The following ACBD6 variants were observed in gnomAD, a reference collection of about 807,000 sequenced individuals.
The protein encoded by ACBD6 is acyl-CoA-binding domain-containing protein 6.
Under a neutral mutation model 37.2 loss-of-function variants are expected in ACBD6, and 28 were observed. The ratio of observed to expected loss-of-function variants is 0.75; its 90% CI spans 0.56 to 1.03. ACBD6 has a LOEUF of 1.03. Ranked by LOEUF, ACBD6 falls within the 50% of genes least tolerant of loss-of-function variation. The pLI, the probability that ACBD6 is intolerant of heterozygous loss-of-function variation, is 0.00. For missense variants in ACBD6, 340 were observed against 337.4 expected, an observed-to-expected ratio of 1.01 and a Z score of -0.06; for synonymous variants, 113 against 126.8, an observed-to-expected ratio of 0.89 and a Z score of 0.73.
intron 6 of ACBD6, among the ~76,000 whole-genome samples, chr1:180,340,914 T>C (rs1397155517): frequency 1.3e-5 from 2 of 152,126 alleles, no homozygotes; most frequent in Non-Finnish European, 2.9e-5. Context: ...AGGATCGAGA[T>C]ATCTAAATTT....
chr1:180,359,591 A>G (rs1652769872), intron 6 of ACBD6, among the ~76,000 whole-genome samples: 1 of 152,208 alleles, frequency 6.6e-6, no homozygotes, highest in East Asian at 1.9e-4. Context: ...ATGAATTACT[A>G]CCAAGCATTT....
chr1:180,431,407 G>A (rs903664652), intron 3 of ACBD6, among the ~76,000 whole-genome samples: 2 of 152,104 alleles, frequency 1.3e-5, no homozygotes, highest in African/African-American at 4.8e-5. Context: ...GTATTAGTAT[G>A]ATGCTAGCAA....
intron 6 of ACBD6, among the ~76,000 whole-genome samples, chr1:180,368,309 T>C (rs1653126383): frequency 6.6e-6 from 1 of 152,200 alleles, no homozygotes; most frequent in African/African-American, 2.4e-5. Context: ...TGCAAATATT[T>C]TCTCCCATTC....
At chr1:180,325,489 A>C (rs1651222928) in intron 6 of ACBD6, among the ~76,000 whole-genome samples, 1 of 152,064 alleles carries the variant, frequency 6.6e-6, no homozygotes, top group Middle Eastern at 3.2e-3. Flanking sequence ...TGTTATCTTA[A>C]ATTTCTTTGA....
chr1:180,301,011 G>C lies in ACBD6; in HGVS notation c.695-12494C>G, dbSNP rs1650108424. On this transcript the variant is annotated intron_variant, in intron 7 of 7. Coordinates refer to ENST00000367595, the MANE Select transcript of ACBD6 (RefSeq NM_032360.4). ...TCAGAAGACCTATACAAGTGTCTTG[G>C]CTCTGCAACCTACAGCTTGGATTAC... 1.3e-5 allele frequency among the ~76,000 whole-genome samples: 2 copies of C among 152,122 alleles called. 1 individual carries two copies. Among genetic ancestry groups the C allele is most frequent in the South Asian group, 4.1e-4 (2 of 4,824 alleles).
At chr1:180,274,767 T>A in exon 10 of ACBD6, 1 of 664,286 alleles carries the variant, frequency 1.5e-6, no homozygotes, top group Non-Finnish European at 2.5e-6. Flanking sequence ...GGGGAAGCAG[T>A]GGGAGAGCAG....
At chr1:180,311,825 T>C (rs2764432) in intron 7 of ACBD6, among the ~76,000 whole-genome samples, 6,896 of 152,304 alleles carry the variant, frequency 0.045, 226 homozygotes, top group South Asian at 0.059. Context: ...TTTTCTTGAA[T>C]AGATGTCTCT....
intron 6 of ACBD6, among the ~76,000 whole-genome samples, chr1:180,380,776 A>G (rs1653612550): frequency 1.3e-5 from 2 of 152,138 alleles, no homozygotes; most frequent in African/African-American, 4.8e-5. Flanking sequence ...ACTAAACTAC[A>G]ATGATAAAAA....
chr1:180,287,489 T>TA (rs1226393400), downstream of ACBD6: 1 of 142,320 alleles, frequency 7.0e-6, no homozygotes, highest in Non-Finnish European at 1.5e-5. Flanking sequence ...ACATTTTTAA[T>TA]AAAAAACAAA....
chr1:180,442,444 G>C (rs1649319021), intron 3 of ACBD6, among the ~76,000 whole-genome samples: 1 of 152,124 alleles, frequency 6.6e-6, no homozygotes, highest in African/African-American at 2.4e-5. Context: ...CCATAAAGAA[G>C]AATTTTCTGG....
chr1:180,441,971 G>A (rs557689371), intron 3 of ACBD6, among the ~76,000 whole-genome samples: 13 of 152,190 alleles, frequency 8.5e-5, no homozygotes, highest in African/African-American at 3.1e-4. Flanking sequence ...ATCTACCTCT[G>A]GGTTTTTCAT....
chr1:180,302,256 T>C lies in ACBD6; in HGVS notation c.694+12436A>G, dbSNP rs541934257. 3.9e-5 allele frequency among the ~76,000 whole-genome samples: 6 copies of C among 152,266 alleles called. No homozygotes were observed. The South Asian group carries it at 1.0e-3, about 26-fold the overall frequency. On this transcript the variant is annotated intron_variant, in intron 7 of 7. Transcript: ENST00000367595. ...TAGACTAGTATCTACATATATTTTA[T>C]GCATTCATGACATGTAACTTTTCCT... is the stretch of plus-strand genomic sequence containing the variant.
intron 5 of ACBD6, among the ~76,000 whole-genome samples, chr1:180,407,689 T>C (rs1647680023): frequency 1.3e-5 from 2 of 152,220 alleles, no homozygotes; most frequent in South Asian, 2.1e-4. Context: ...TTAGCAGTTA[T>C]ATGGATTTGA....
At chr1:180,377,563 T>C (rs1653480686) in intron 6 of ACBD6, among the ~76,000 whole-genome samples, 1 of 152,184 alleles carries the variant, frequency 6.6e-6, no homozygotes, top group East Asian at 1.9e-4. Context: ...AATTAGTAAA[T>C]GTAAAAGAAA....
chr1:180,422,568 A>G (rs1648412959), intron 4 of ACBD6, among the ~76,000 whole-genome samples: 1 of 152,114 alleles, frequency 6.6e-6, no homozygotes, highest in African/African-American at 2.4e-5. Context: ...GAAATGGCAG[A>G]CAACCACAGC....
intron 6 of ACBD6, among the ~76,000 whole-genome samples, chr1:180,335,392 T>G (rs1456372705): frequency 1.3e-5 from 2 of 152,122 alleles, no homozygotes; most frequent in Non-Finnish European, 2.9e-5. Flanking sequence ...CAACCCAGAA[T>G]TTCATATCCA....
At chr1:180,344,499 G>C (rs1272710527) in intron 6 of ACBD6, among the ~76,000 whole-genome samples, 1 of 152,126 alleles carries the variant, frequency 6.6e-6, no homozygotes, top group African/African-American at 2.4e-5. Context: ...AAAAATAAAA[G>C]GCAGAATGTA....
At chr1:180,335,528 G>A (rs1571375445) in intron 6 of ACBD6, among the ~76,000 whole-genome samples, 1 of 152,100 alleles carries the variant, frequency 6.6e-6, no homozygotes, top group Admixed American at 6.6e-5. Flanking sequence ...ACATGGAAAG[G>A]AACAACAGGT....
intron 6 of ACBD6, among the ~76,000 whole-genome samples, chr1:180,318,050 T>G (rs538339199): frequency 1.4e-3 from 210 of 151,458 alleles, no homozygotes; most frequent in Non-Finnish European, 2.6e-3. Context: ...TGGTGGCTTG[T>G]GTCTGTAGTC....
Sources: gnomAD v4.1 joint callset for allele counts (sites outside exome capture counted in the v4.1 genomes callset) on GRCh38, gnomAD v4.1.1 for gene constraint, MANE v1.5 for transcripts, NCBI Gene and HGNC (gene_info 2026-07-23, HGNC 2026-07-21) for gene names.